The following SPTAN1 variants were observed in gnomAD, a reference collection of about 807,000 sequenced individuals.
SPTAN1 encodes the protein spectrin alpha, non-erythrocytic 1.
In SPTAN1, 61 loss-of-function variants were observed where a neutral mutation model predicts 331.3. The ratio of observed to expected loss-of-function variants is 0.18; its 90% CI spans 0.15 to 0.23. The LOEUF is 0.23. Ranked by LOEUF, SPTAN1 falls within the 10% of genes least tolerant of loss-of-function variation. SPTAN1 has a pLI of 1.00. For missense variants in SPTAN1, 2,043 were observed against 3,147.9 expected (o/e 0.65, Z 8.40); for synonymous variants, 1,153 against 1,173.9 (o/e 0.98, Z 0.36).
chr9:128,574,116 G>A (rs1244665485), intron 3 of SPTAN1, among the ~76,000 whole-genome samples: 1 of 151,906 alleles, frequency 6.6e-6, no homozygotes, highest in African/African-American at 2.4e-5. Flanking sequence ...CATTGATGAT[G>A]CCTATAAGAC....
chr9:128,632,377 C>T (rs1859896448), intron 53 of SPTAN1, 54 bp downstream of exon 53: 1 of 1,613,568 alleles, frequency 6.2e-7, no homozygotes, highest in South Asian at 1.1e-5. Context: ...GAGGAAAAGA[C>T]ACAGTCACCT....
chr9:128,624,450 G>C lies in SPTAN1; in HGVS notation c.5955G>C (p.Gln1985His). The C allele has an allele frequency of 1.2e-6, 2 of 1,613,884 alleles. No homozygotes were observed. Among genetic ancestry groups the C allele is most frequent in the Non-Finnish European group, 1.7e-6 (2 of 1,180,034 alleles). Residue 1985 changes from glutamine (Q) to histidine (H), a missense_variant, in exon 46 of 57, where the codon CAG becomes CAC. Gln to His is a conservative substitution (Grantham distance 24). Transcript: ENST00000372739. ...AKLDENSAFL[Q>H]FNWKADVVES... ...TGGATGAGAACTCGGCCTTCCTTCA[G>C]TTCAACTGGAAGGCGGACGTGGTGG...
chr9:128,555,220 C>A, intron 1 of SPTAN1: 1 of 571,728 alleles, frequency 1.7e-6, no homozygotes, highest in Non-Finnish European at 2.7e-6. Context: ...AGAGAGAAGA[C>A]ACTGAAAAAA....
intron 20 of SPTAN1, among the ~76,000 whole-genome samples, chr9:128,588,243 G>A (rs1170236050): frequency 2.0e-5 from 3 of 150,662 alleles, no homozygotes; most frequent in East Asian, 1.9e-4. Flanking sequence ...TGATCTGCCC[G>A]CCTTGGCCTC....
intron 14 of SPTAN1, 102 bp downstream of exon 14, chr9:128,582,951 A>G: frequency 6.3e-7 from 1 of 1,585,752 alleles, no homozygotes; most frequent in Non-Finnish European, 8.6e-7. Flanking sequence ...GATTCCAGAA[A>G]CCCCACTACT....
At chr9:128,554,917 T>C (rs1848474221) in intron 1 of SPTAN1, among the ~76,000 whole-genome samples, 1 of 152,256 alleles carries the variant, frequency 6.6e-6, no homozygotes. Flanking sequence ...AAGTCAGATC[T>C]TTGTGGCTTG....
At chr9:128,589,275 T>A (rs1853108639) in intron 21 of SPTAN1, among the ~76,000 whole-genome samples, 1 of 149,198 alleles carries the variant, frequency 6.7e-6, no homozygotes, top group South Asian at 2.1e-4. Context: ...GGTTCTTTTT[T>A]TTTCTTTTTC....
intron 13 of SPTAN1, 33 bp from the exon 14 acceptor site, chr9:128,582,661 A>T: frequency 6.2e-7 from 1 of 1,611,746 alleles, no homozygotes; most frequent in Non-Finnish European, 8.5e-7. Flanking sequence ...GGGAGTGAAC[A>T]CTAGAGACTC....
chr9:128,629,838 TC>T lies in SPTAN1; in HGVS notation c.6708-478del. 1 of 311,728 alleles carries T rather than the reference TC, an allele frequency of 3.2e-6. No individual in the cohort carries two copies. Among genetic ancestry groups the T allele is most frequent in the Non-Finnish European group, 6.3e-6 (1 of 157,570 alleles). The allele number at this position is 311,728 out of a possible 1,614,324, so 19.3% of individuals were successfully genotyped here. ...TTTGTCTGCAGGGTCGTGCTCTCATTCCCCCTAGAATGGGGCTCCCTCCCTC... is the reference window on the plus strand; with the variant it reads ...TTTGTCTGCAGGGTCGTGCTCTCATTCCCCTAGAATGGGGCTCCCTCCCTC... On this transcript the variant is annotated intron_variant, in intron 51 of 56. Coordinates refer to ENST00000372739, the MANE Select transcript of SPTAN1 (RefSeq NM_001130438.3). This position sits in a 1 kb window ranked among gnomAD's most constrained non-coding sequence, Gnocchi z 4.9.
At position 128,630,200 on chromosome 9, in the gene SPTAN1, GT is replaced by G. The variant is rs756791394; in HGVS notation, c.6708-118del. ...GGTAAAGATGGCCAGTTGCAGTTAG[GT>G]TTGGTTTCCTTAAAAGGAATGTGAG... On this transcript the variant is annotated intron_variant, in intron 51 of 56. Transcript: ENST00000372739. 3 of 1,079,634 alleles carry G rather than the reference GT, an allele frequency of 2.8e-6. No homozygotes were observed. The African/African-American group carries it at 4.7e-5, about 17-fold the overall frequency. The allele number at this position is 1,079,634 out of a possible 1,614,324, so 66.9% of individuals were successfully genotyped here.
chr9:128,606,040 GTAAAATAGTCAAAC>G (rs1855801905), intron 31 of SPTAN1, among the ~76,000 whole-genome samples: 4 of 151,510 alleles, frequency 2.6e-5, no homozygotes, highest in Non-Finnish European at 5.9e-5. Context: ...CATAATCAAT[GTAAAATAGTCAAAC>G]TACTGAATGC....
At chr9:128,597,039 A>G (rs904160851) in intron 24 of SPTAN1, among the ~76,000 whole-genome samples, 1 of 152,198 alleles carries the variant, frequency 6.6e-6, no homozygotes, top group African/African-American at 2.4e-5. Flanking sequence ...GCCTGCCTGT[A>G]GACCCAGCTA....
At chr9:128,632,514 GT>G (rs762698933) in intron 54 of SPTAN1, 30 bp downstream of exon 54, 1 of 1,614,164 alleles carries the variant, frequency 6.2e-7, no homozygotes, top group East Asian at 2.2e-5. Context: ...CCCTGGCTGG[GT>G]GGGGGGTGTT....
chr9:128,594,982 G>A (rs555464416), intron 24 of SPTAN1, among the ~76,000 whole-genome samples: 1 of 150,438 alleles, frequency 6.6e-6, no homozygotes, highest in Non-Finnish European at 1.5e-5. Flanking sequence ...GCTAGTTTTT[G>A]TATTTTTAGT....
At chr9:128,617,104 T>G (rs1857263402) in intron 41 of SPTAN1, among the ~76,000 whole-genome samples, 1 of 152,000 alleles carries the variant, frequency 6.6e-6, no homozygotes, top group Admixed American at 6.6e-5. Context: ...CCAGGCATAG[T>G]GGCGCACACC....
chr9:128,593,102 C>T, intron 23 of SPTAN1, 60 bp downstream of exon 23: 2 of 1,536,662 alleles, frequency 1.3e-6, no homozygotes, highest in Non-Finnish European at 8.9e-7. Context: ...TCCATTCTCC[C>T]TCTGCCGCTT....
In SPTAN1 at chr9:128,633,380, C is replaced by T. The variant is rs367989148; in HGVS notation, c.*46C>T. 1.3e-4 allele frequency: 203 copies of T among 1,612,564 alleles called. 6 individuals are homozygous for T. Among genetic ancestry groups the T allele is most frequent in the East Asian group, 8.0e-4 (36 of 44,900 alleles). ...CCCCTCGCTGCTTGCCCTGCGTCGCCTTGCTGCATGTCCGCTCCTCTGTGT... is the reference window on the plus strand; with the variant it reads ...CCCCTCGCTGCTTGCCCTGCGTCGCTTTGCTGCATGTCCGCTCCTCTGTGT... On this transcript the variant is annotated 3_prime_UTR_variant, in exon 57 of 57. Transcript: ENST00000372739.
chr9:128,582,416 C>T (rs1852054977), intron 12 of SPTAN1, 63 bp from the exon 13 acceptor site: 1 of 1,462,638 alleles, frequency 6.8e-7, no homozygotes. Context: ...AGTTACTTTT[C>T]TCCAGAGGCC....
At chr9:128,563,991 G>C (rs1257256825) in intron 1 of SPTAN1, among the ~76,000 whole-genome samples, 1 of 152,016 alleles carries the variant, frequency 6.6e-6, no homozygotes, top group African/African-American at 2.4e-5. Context: ...AGGGATACAG[G>C]ACCGGACATG....
Sources: gnomAD v4.1 joint callset for allele counts (sites outside exome capture counted in the v4.1 genomes callset) on GRCh38, gnomAD v4.1.1 for gene constraint, Gnocchi (gnomAD v3.1) non-coding constraint, MANE v1.5 for transcripts, NCBI Gene and HGNC (gene_info 2026-07-23, HGNC 2026-07-21) for gene names.